USP32: variants seen among roughly 807,000 people sequenced by gnomAD.
The protein encoded by USP32 is ubiquitin specific peptidase 32.
USP32 carries 59 observed loss-of-function variants against 204.8 expected under a neutral mutation model. That is an observed-to-expected ratio of 0.29 (90% CI 0.23 to 0.36). The LOEUF is 0.36. USP32 is among the 10% of genes least tolerant of loss of function. The probability of loss-of-function intolerance (pLI) is 1.00; values close to 1 mark genes in which losing one functional copy is unlikely to be tolerated. For missense variants in USP32, 1,160 were observed against 1,946.4 expected, an observed-to-expected ratio of 0.60 and a Z score of 7.60; for synonymous variants, 517 against 678.4, an observed-to-expected ratio of 0.76 and a Z score of 3.70.
chr17:60,376,678 C>A (rs535300088), intron 1 of USP32, among the ~76,000 whole-genome samples: 34 of 152,054 alleles, frequency 2.2e-4, no homozygotes, highest in South Asian at 2.1e-3. Flanking sequence ...TGCCTGCCAT[C>A]ACGCCCAGCT....
chr17:60,244,025 TTG>T (rs1434823588), intron 11 of USP32, among the ~76,000 whole-genome samples: 7 of 147,196 alleles, frequency 4.8e-5, no homozygotes, highest in African/African-American at 1.6e-4. Context: ...AGTAGCTGGA[TTG>T]TGTTTTTTTT....
chr17:60,179,912 C>T (rs1276997244), intron 33 of USP32, among the ~76,000 whole-genome samples: 3 of 152,162 alleles, frequency 2.0e-5, no homozygotes, highest in Admixed American at 6.5e-5. Flanking sequence ...CCTCATGATC[C>T]GCCTGCCTTG....
intron 28 of USP32, among the ~76,000 whole-genome samples, chr17:60,191,231 G>A (rs1236648549): frequency 4.6e-5 from 7 of 151,558 alleles, no homozygotes; most frequent in Non-Finnish European, 1.0e-4. Flanking sequence ...GTGAAACCCT[G>A]TCTCTACTAA....
At chr17:60,207,304 GA>G (rs2084854937) in intron 24 of USP32, among the ~76,000 whole-genome samples, 172 bp from the exon 25 acceptor site, 1 of 152,138 alleles carries the variant, frequency 6.6e-6, no homozygotes, top group African/African-American at 2.4e-5. Context: ...AAAAATAACG[GA>G]AAACTAACCT....
At chr17:60,422,153 A>T (rs1441805687) in intron 1 of USP32, 1 of 296,088 alleles carries the variant, frequency 3.4e-6, no homozygotes, top group East Asian at 1.2e-4. Context: ...AGAATTTTAC[A>T]AACTGTGCTT....
chr17:60,223,653 T>C, intron 13 of USP32, 67 bp from the exon 14 acceptor site: 1 of 1,351,196 alleles, frequency 7.4e-7, no homozygotes, highest in Non-Finnish European at 1.0e-6. Context: ...CTTGAGGATA[T>C]GAACTCAATG....
At chr17:60,401,963 T>C (rs777619379) in intron 1 of USP32, among the ~76,000 whole-genome samples, 2 of 152,176 alleles carry the variant, frequency 1.3e-5, no homozygotes, top group Admixed American at 6.5e-5. Context: ...CTAACTCTTA[T>C]AGTAGCTCAC....
chr17:60,327,118 C>T (rs986196153), intron 2 of USP32, among the ~76,000 whole-genome samples: 13 of 152,128 alleles, frequency 8.5e-5, no homozygotes, highest in African/African-American at 2.4e-4. Flanking sequence ...AATAGCTAGA[C>T]GACCAGATTT....
At chr17:60,196,979 G>A (rs560615701) in intron 27 of USP32, among the ~76,000 whole-genome samples, 1 of 151,606 alleles carries the variant, frequency 6.6e-6, no homozygotes, top group African/African-American at 2.4e-5. Flanking sequence ...CCAGGAGTTC[G>A]AGACCAGCCT....
intron 1 of USP32, among the ~76,000 whole-genome samples, chr17:60,384,053 A>C (rs1353503845): frequency 1.3e-5 from 2 of 152,222 alleles, no homozygotes; most frequent in Admixed American, 6.5e-5. Flanking sequence ...CCAAACTAAT[A>C]AAACTTGGTG....
intron 5 of USP32, among the ~76,000 whole-genome samples, chr17:60,278,609 A>G (rs1375740888): frequency 1.3e-5 from 2 of 152,222 alleles, no homozygotes; most frequent in Non-Finnish European, 2.9e-5. Context: ...AAAAACAAGA[A>G]AAAGGATCAC....
chr17:60,403,392 A>C (rs1358092026), intron 1 of USP32, among the ~76,000 whole-genome samples: 1 of 152,192 alleles, frequency 6.6e-6, no homozygotes, highest in African/African-American at 2.4e-5. Context: ...AAGTAGCCAC[A>C]AAGTTCTGCC....
chr17:60,282,369 T>TA (rs753962327), intron 5 of USP32, among the ~76,000 whole-genome samples: 65 of 152,192 alleles, frequency 4.3e-4, no homozygotes, highest in Non-Finnish European at 9.0e-4. Flanking sequence ...TCTTTTTTTT[T>TA]ATTGAGACGG....
chr17:60,263,017 T>C (rs1313037865), intron 9 of USP32, among the ~76,000 whole-genome samples: 1 of 152,118 alleles, frequency 6.6e-6, no homozygotes, highest in Non-Finnish European at 1.5e-5. Context: ...GGTGTAATCA[T>C]GGCACACTGC....
intron 30 of USP32, among the ~76,000 whole-genome samples, chr17:60,184,684 C>T (rs944290973): frequency 6.6e-5 from 10 of 152,020 alleles, no homozygotes; most frequent in African/African-American, 2.2e-4. Flanking sequence ...GTGGTGCATG[C>T]CTGTAATCTC....
At chr17:60,206,915 T>G in intron 25 of USP32, 106 bp downstream of exon 25, 4 of 1,489,448 alleles carry the variant, frequency 2.7e-6, no homozygotes, top group Non-Finnish European at 3.6e-6. Flanking sequence ...GTTCCAAAAT[T>G]CTTCTGCTAT....
intron 5 of USP32, among the ~76,000 whole-genome samples, chr17:60,281,448 G>A (rs2086965695): frequency 6.6e-6 from 1 of 151,730 alleles, no homozygotes; most frequent in Non-Finnish European, 1.5e-5. Context: ...TGAGGCAGGA[G>A]AATTGCTGGA....
At chr17:60,256,155 T>C (rs929404134) in intron 9 of USP32, among the ~76,000 whole-genome samples, 4 of 151,380 alleles carry the variant, frequency 2.6e-5, no homozygotes, top group Admixed American at 6.6e-5. Context: ...CCTGGGCAAC[T>C]AGCAAGACAC....
intron 1 of USP32, among the ~76,000 whole-genome samples, chr17:60,368,530 C>T (rs770923244): frequency 9.3e-4 from 140 of 150,504 alleles, no homozygotes; most frequent in African/African-American, 2.6e-3. Context: ...GGTTGGGGGG[C>T]GGGGGAAACG....
Sources: allele counts gnomAD v4.1 joint callset (sites outside exome capture counted in the v4.1 genomes callset), GRCh38; gene constraint gnomAD v4.1.1; transcripts MANE v1.5; gene names NCBI Gene and HGNC (gene_info 2026-07-23, HGNC 2026-07-21).